PPP2R5C: variants seen among roughly 807,000 people sequenced by gnomAD.
PPP2R5C encodes the protein protein phosphatase 2 regulatory subunit B'gamma, also known as serine/threonine-protein phosphatase 2A 56 kDa regulatory subunit gamma isoform.
In PPP2R5C, 7 loss-of-function variants were observed where a neutral mutation model predicts 68.9. That is an observed-to-expected ratio of 0.10 (90% CI 0.06 to 0.19). The LOEUF (loss-of-function observed/expected upper bound fraction) is 0.19, where lower values mean the gene tolerates loss of function less well. Ranked by LOEUF, PPP2R5C falls within the 10% of genes least tolerant of loss-of-function variation. The pLI is 1.00. For synonymous variants in PPP2R5C, 210 were observed against 222.2 expected (o/e 0.95, Z 0.49); for missense variants, 348 against 641.3 (o/e 0.54, Z 4.94).
chr14:101,793,965 T>G (rs1595178687), intron 3 of PPP2R5C, among the ~76,000 whole-genome samples: 1 of 152,332 alleles, frequency 6.6e-6, no homozygotes, highest in East Asian at 1.9e-4. Context: ...AACATCCAAC[T>G]CTAGTCTCCT....
intron 8 of PPP2R5C, 114 bp downstream of exon 10, chr14:101,894,674 C>A: frequency 2.0e-6 from 2 of 977,024 alleles, no homozygotes; most frequent in Non-Finnish European, 3.2e-6. Flanking sequence ...TCTTAAATTG[C>A]AATACTAATA....
chr14:101,821,802 A>G (rs1358295408), intron 1 of PPP2R5C, among the ~76,000 whole-genome samples: 1 of 151,808 alleles, frequency 6.6e-6, no homozygotes, highest in Non-Finnish European at 1.5e-5. Context: ...TGTCACAGAC[A>G]CTCGGCCCCC....
Position 101,835,077 on chromosome 14 carries a change from C to T in PPP2R5C, c.95-21609C>T, listed in dbSNP as rs549845310. ...ACAGTAAGGAAAAAAAAAATGCAGC[C>T]TGTGTCTTCAGGGACTGGGAGTCTC... On this transcript the variant is annotated intron_variant, in intron 1 of 13. Coordinates refer to ENST00000334743, the Ensembl canonical transcript of PPP2R5C. This position sits in a 1 kb window ranked among gnomAD's most constrained non-coding sequence, Gnocchi z 5.0. 3.3e-5 allele frequency among the ~76,000 whole-genome samples: 5 copies of T among 152,312 alleles called. No individual in the cohort carries two copies. The East Asian group carries it at 7.7e-4, about 23-fold the overall frequency.
At chr14:101,820,828 T>G (rs1488936813) in intron 1 of PPP2R5C, 2 of 152,202 alleles carry the variant, frequency 1.3e-5, no homozygotes, top group Non-Finnish European at 2.9e-5. Context: ...AAATATTACT[T>G]AACATGAAGT....
At position 101,891,659 on chromosome 14, in the gene PPP2R5C, CCTT is replaced by C. The variant is rs1429861914; in HGVS notation, c.690-1336_690-1334del. Among the ~76,000 whole-genome samples the C allele has an allele frequency of 6.6e-6, 1 of 152,198 alleles. No homozygotes were observed. Among genetic ancestry groups the C allele is most frequent in the Non-Finnish European group, 1.5e-5 (1 of 68,040 alleles). On this transcript the variant is annotated intron_variant, in intron 6 of 13. Transcript: ENST00000334743. The surrounding 1 kb of genome is among the most constrained non-coding windows in gnomAD (Gnocchi z 4.9). ...CCGCCGAGAGGCTGATTAGTTTTATCCTTCTTCCAGATGAGGCTGAGCCTTCGG... is the reference window on the plus strand; with the variant it reads ...CCGCCGAGAGGCTGATTAGTTTTATCCTTCCAGATGAGGCTGAGCCTTCGG...
chr14:101,904,177 G>A (rs1364911151), intron 9 of PPP2R5C, among the ~76,000 whole-genome samples: 3 of 152,008 alleles, frequency 2.0e-5, no homozygotes, highest in African/African-American at 7.3e-5. Context: ...TTTCTTTTTA[G>A]ACAAAGTTTT....
intron 2 of PPP2R5C, among the ~76,000 whole-genome samples, chr14:101,873,099 A>C (rs2043527844): frequency 6.6e-6 from 1 of 152,078 alleles, no homozygotes; most frequent in Non-Finnish European, 1.5e-5. Context: ...CTGTGGGTAC[A>C]TATTGTTGTT....
intron 2 of PPP2R5C, among the ~76,000 whole-genome samples, chr14:101,783,790 T>C (rs1000743821): frequency 3.9e-5 from 6 of 152,122 alleles, no homozygotes; most frequent in African/African-American, 9.7e-5. Context: ...GCTGGCACTA[T>C]AGTGAAATAA....
intron 1 of PPP2R5C, among the ~76,000 whole-genome samples, chr14:101,812,101 A>G (rs973874202): frequency 2.6e-5 from 4 of 152,188 alleles, no homozygotes; most frequent in African/African-American, 9.7e-5. Flanking sequence ...ACTCATAAAG[A>G]CTTTTCTGGA....
intron 2 of PPP2R5C, among the ~76,000 whole-genome samples, chr14:101,864,396 C>T (rs2042934217): frequency 6.6e-6 from 1 of 152,018 alleles, no homozygotes; most frequent in African/African-American, 2.4e-5. Flanking sequence ...TTGCAGACAC[C>T]ATGCTACCTC....
In PPP2R5C at chr14:101,781,151, A is replaced by C. The variant is rs2037663549; in HGVS notation, c.94-4867A>C. Among the ~76,000 whole-genome samples the C allele has an allele frequency of 6.6e-6, 1 of 152,098 alleles. No individual in the cohort carries two copies. Among genetic ancestry groups the C allele is most frequent in the Admixed American group, 6.5e-5 (1 of 15,284 alleles). ...AGGTTTATGGGACATCAGAGCAGGG[A>C]GGGAGCCGGGTGTCGGGGCTGCGGC... On this transcript the variant is annotated intron_variant, in intron 2 of 14. Coordinates refer to the PPP2R5C transcript ENST00000328724. The surrounding 1 kb of genome is among the most constrained non-coding windows in gnomAD (Gnocchi z 6.4).
chr14:101,862,106 G>T (rs2042780035), intron 2 of PPP2R5C, among the ~76,000 whole-genome samples: 1 of 152,004 alleles, frequency 6.6e-6, no homozygotes, highest in Admixed American at 6.6e-5. Context: ...GTAGACACGG[G>T]GTCTCCACTC....
At chr14:101,768,555 G>GT (rs1482569756) in intron 2 of PPP2R5C, among the ~76,000 whole-genome samples, 2 of 152,066 alleles carry the variant, frequency 1.3e-5, no homozygotes, top group Non-Finnish European at 2.9e-5. Context: ...GCATGGCTCT[G>GT]TTTTTGCTAA....
Position 101,781,512 on chromosome 14 carries a change from C to G in PPP2R5C, c.94-4506C>G, listed in dbSNP as rs2037689133. ...CGCCCCCCAGCCTCCCCGCCCCTGC[C>G]CTTGCCAGCCTGCGCCTTCCTGGGC... On this transcript the variant is annotated intron_variant, in intron 2 of 14. Coordinates refer to the PPP2R5C transcript ENST00000328724. The surrounding 1 kb of genome is among the most constrained non-coding windows in gnomAD (Gnocchi z 6.4). 1.3e-5 allele frequency among the ~76,000 whole-genome samples: 2 copies of G among 151,974 alleles called. No individual in the cohort carries two copies. The highest frequency in any genetic ancestry group is 4.8e-5 in the African/African-American group (2 of 41,384).
intron 13 of PPP2R5C, chr14:101,921,054 CTTTTTTTTTTTTT>C (rs35320139): frequency 4.1e-4 from 22 of 53,446 alleles, no homozygotes; most frequent in African/African-American, 8.9e-4. Flanking sequence ...ATAAATTCTG[CTTTTTTTTTTTTT>C]TTTTTTTTTT....
chr14:101,773,710 TTAG>T (rs2037269829), intron 2 of PPP2R5C, among the ~76,000 whole-genome samples: 1 of 152,222 alleles, frequency 6.6e-6, no homozygotes, highest in East Asian at 1.9e-4. Flanking sequence ...GGTTTTGTTT[TTAG>T]AGACAGGGTC....
chr14:101,898,004 A>T (rs1033959275), intron 8 of PPP2R5C, among the ~76,000 whole-genome samples: 2 of 151,566 alleles, frequency 1.3e-5, no homozygotes, highest in Admixed American at 1.3e-4. Context: ...AAAAAAAAAA[A>T]ATTTAATTAG....
At chr14:101,855,738 C>T (rs1320804361) in intron 1 of PPP2R5C, among the ~76,000 whole-genome samples, 1 of 152,226 alleles carries the variant, frequency 6.6e-6, no homozygotes, top group African/African-American at 2.4e-5. Context: ...AGATGTCACG[C>T]TCACAGTGGC....
intron 8 of PPP2R5C, among the ~76,000 whole-genome samples, chr14:101,895,273 A>T (rs2045241277): frequency 6.6e-6 from 1 of 152,234 alleles, no homozygotes; most frequent in East Asian, 1.9e-4. Flanking sequence ...AGTACAATTC[A>T]AAAATTTTTG....
Sources: allele counts gnomAD v4.1 joint callset (sites outside exome capture counted in the v4.1 genomes callset), GRCh38; gene constraint gnomAD v4.1.1; non-coding constraint Gnocchi (gnomAD v3.1); transcripts MANE v1.5; gene names NCBI Gene and HGNC (gene_info 2026-07-23, HGNC 2026-07-21).